The following PTPRT variants were observed in gnomAD, a reference collection of about 807,000 sequenced individuals.
PTPRT encodes protein tyrosine phosphatase receptor type T, also known as receptor-type tyrosine-protein phosphatase T.
PTPRT carries 56 observed loss-of-function variants against 176.8 expected under a neutral mutation model. That is an observed-to-expected ratio of 0.32 (90% CI 0.26 to 0.40). The LOEUF is 0.40. Among genes scored for constraint, PTPRT ranks in the 10% least tolerant of loss-of-function variants. PTPRT has a pLI of 1.00. For synonymous variants in PTPRT, 783 were observed against 739.0 expected, an observed-to-expected ratio of 1.06 and a Z score of -0.96; for missense variants, 1,540 against 1,908.2, an observed-to-expected ratio of 0.81 and a Z score of 3.60.
chr20:43,030,520 A>G (rs1470911376), intron 1 of PTPRT, among the ~76,000 whole-genome samples: 2 of 149,828 alleles, frequency 1.3e-5, no homozygotes, highest in Non-Finnish European at 1.5e-5. Context: ...AAAAAAAAAA[A>G]TGGCATAAGC....
intron 7 of PTPRT, among the ~76,000 whole-genome samples, chr20:42,577,895 A>G (rs935151587): frequency 6.7e-6 from 1 of 149,056 alleles, no homozygotes; most frequent in Non-Finnish European, 1.5e-5. Context: ...TAACCAAACA[A>G]GAGAAAAACC....
chr20:42,429,781 T>C (rs1167887755), intron 9 of PTPRT, among the ~76,000 whole-genome samples: 2 of 152,174 alleles, frequency 1.3e-5, no homozygotes, highest in Non-Finnish European at 2.9e-5. Context: ...TAGGAAGCCC[T>C]CATCCAGGTG....
intron 13 of PTPRT, among the ~76,000 whole-genome samples, chr20:42,277,444 G>A (rs116168939): frequency 0.02 from 3,107 of 152,288 alleles, 114 homozygotes; most frequent in African/African-American, 0.071. Flanking sequence ...GCTGCTGCCT[G>A]CTGGCAGCCA....
At chr20:42,280,201 T>C (rs1402022220) in intron 13 of PTPRT, among the ~76,000 whole-genome samples, 1 of 152,136 alleles carries the variant, frequency 6.6e-6, no homozygotes, top group Non-Finnish European at 1.5e-5. Flanking sequence ...AGTGGACGGA[T>C]TTATAATAGA....
intron 17 of PTPRT, 32 bp from the exon 18 acceptor site, chr20:42,142,034 C>T: frequency 1.3e-6 from 2 of 1,583,928 alleles, no homozygotes; most frequent in East Asian, 4.5e-5. Flanking sequence ...GTTAGAGTGG[C>T]CTGAGATAGG....
At chr20:42,582,446 A>G (rs2073390867) in intron 7 of PTPRT, among the ~76,000 whole-genome samples, 1 of 152,154 alleles carries the variant, frequency 6.6e-6, no homozygotes, top group Non-Finnish European at 1.5e-5. Flanking sequence ...GGAAAAATCC[A>G]AGCCACCTGG....
chr20:42,129,009 G>A lies in PTPRT; in HGVS notation c.2771-179C>T, dbSNP rs140975419. ...TATAGATGAGGAAGTGGAGGCTCAG[G>A]GAGGTAAGCACTTCTCATTTTTCTA... On this transcript the variant is annotated intron_variant, in intron 18 of 30. Transcript: ENST00000373187. Among the ~76,000 whole-genome samples the A allele has an allele frequency of 4.1e-3, 621 of 152,278 alleles. 7 individuals are homozygous for A. Among genetic ancestry groups the A allele is most frequent in the South Asian group, 0.024 (114 of 4,806 alleles).
intron 18 of PTPRT, among the ~76,000 whole-genome samples, chr20:42,135,827 A>G (rs1309442835): frequency 6.6e-6 from 1 of 152,094 alleles, no homozygotes; most frequent in Non-Finnish European, 1.5e-5. Context: ...AACTCAGGAG[A>G]AGGTATAGGG....
intron 29 of PTPRT, among the ~76,000 whole-genome samples, chr20:42,083,156 T>TGA (rs773794572): frequency 1.7e-4 from 13 of 74,410 alleles, no homozygotes; most frequent in South Asian, 5.1e-4. Flanking sequence ...AAAACAAACA[T>TGA]GAGAGAGAGA....
In PTPRT at chr20:42,192,554, C is replaced by T. The variant is rs1037543712; in HGVS notation, c.2491+6686G>A. On this transcript the variant is annotated intron_variant, in intron 16 of 30. Transcript: ENST00000373187. ...GAAGAATATCAGGTTTCAGGGTCCA[C>T]CCTCCTCTTTGGCAGAAAATACCTC... Among the ~76,000 whole-genome samples the T allele has an allele frequency of 2.6e-5, 4 of 152,140 alleles. No homozygotes were observed. In the South Asian group the frequency reaches 6.2e-4, roughly 24 times the overall value.
chr20:42,358,411 A>G (rs570133477), intron 9 of PTPRT, among the ~76,000 whole-genome samples: 1 of 152,236 alleles, frequency 6.6e-6, no homozygotes. Flanking sequence ...GGAACCTACA[A>G]TTTGGTGAGG....
At chr20:42,111,122 A>G (rs1986968201) in intron 22 of PTPRT, among the ~76,000 whole-genome samples, 1 of 151,840 alleles carries the variant, frequency 6.6e-6, no homozygotes, top group African/African-American at 2.4e-5. Flanking sequence ...CTCCCCTTTC[A>G]CACCCCTCCA....
At chr20:42,969,962 A>G (rs1982526157) in intron 1 of PTPRT, among the ~76,000 whole-genome samples, 1 of 152,200 alleles carries the variant, frequency 6.6e-6, no homozygotes. Flanking sequence ...TGGATGAGGA[A>G]ACAGGCTCAG....
chr20:42,053,134 A>C, the PTPRT span, among the ~76,000 whole-genome samples: 3 of 152,164 alleles, frequency 2.0e-5, no homozygotes, highest in Admixed American at 1.3e-4. Flanking sequence ...TTGGGACCTG[A>C]GAATAATTAT....
intron 9 of PTPRT, among the ~76,000 whole-genome samples, chr20:42,367,725 G>A (rs1014990632): frequency 6.6e-6 from 1 of 152,038 alleles, no homozygotes; most frequent in African/African-American, 2.4e-5. Flanking sequence ...TGGAGGTGAG[G>A]GAATTAGCTA....
intron 9 of PTPRT, among the ~76,000 whole-genome samples, chr20:42,437,293 C>T (rs970839588): frequency 2.6e-5 from 4 of 152,142 alleles, no homozygotes; most frequent in African/African-American, 9.7e-5. Context: ...TAGTTCATAG[C>T]AGAAAGAGCT....
intron 6 of PTPRT, among the ~76,000 whole-genome samples, chr20:42,694,191 A>G (rs966125567): frequency 4.6e-5 from 7 of 151,894 alleles, no homozygotes; most frequent in Non-Finnish European, 7.4e-5. Flanking sequence ...GGCACCCGCC[A>G]CCATGCCCGG....
intron 16 of PTPRT, among the ~76,000 whole-genome samples, chr20:42,182,627 G>A (rs1990568080): frequency 6.6e-6 from 1 of 152,090 alleles, no homozygotes; most frequent in Non-Finnish European, 1.5e-5. Flanking sequence ...AAGATAAAAG[G>A]TTTCACCTTG....
chr20:42,890,960 G>A (rs143121788), intron 1 of PTPRT, among the ~76,000 whole-genome samples: 22 of 152,188 alleles, frequency 1.4e-4, no homozygotes, highest in East Asian at 7.7e-4. Flanking sequence ...TTCCCCTTTC[G>A]CTTGGCTCTC....
Sources: gnomAD v4.1 joint callset for allele counts (sites outside exome capture counted in the v4.1 genomes callset) on GRCh38, gnomAD v4.1.1 for gene constraint, MANE v1.5 for transcripts, NCBI Gene and HGNC (gene_info 2026-07-23, HGNC 2026-07-21) for gene names.